PDXP: variants seen among roughly 807,000 people sequenced by gnomAD.
PDXP encodes the protein chronophin.
A neutral mutation model predicts 14.4 loss-of-function variants in PDXP; 15 were observed. The ratio of observed to expected loss-of-function variants is 1.04; its 90% CI spans 0.70 to 1.60. PDXP has a LOEUF of 1.60. PDXP is among the 40% of genes most tolerant of loss of function. The probability of loss-of-function intolerance (pLI) is 0.00; values close to 1 mark genes in which losing one functional copy is unlikely to be tolerated. For synonymous variants in PDXP, 233 were observed against 205.6 expected (o/e 1.13, Z -1.14); for missense variants, 413 against 427.6 (o/e 0.97, Z 0.30).
chr22:37,660,614 G>T (rs900655597), intron 1 of PDXP, among the ~76,000 whole-genome samples: 1 of 152,228 alleles, frequency 6.6e-6, no homozygotes, highest in Non-Finnish European at 1.5e-5. Flanking sequence ...TGGTCAGTGT[G>T]TGTGGACAGG....
Position 37,659,356 on chromosome 22 carries a change from G to A in PDXP, c.574G>A (p.Gly192Ser). 2 of 1,299,084 alleles carry A rather than the reference G, an allele frequency of 1.5e-6. No individual in the cohort carries two copies. The highest frequency in any genetic ancestry group is 9.8e-7 in the Non-Finnish European group (1 of 1,021,812). The allele number at this position is 1,299,084 out of a possible 1,614,324, so 80.5% of individuals were successfully genotyped here. ...HPLSDGSRTPGTGSLAAAVET... is the reference protein window; with the variant it reads ...HPLSDGSRTPSTGSLAAAVET... Reference sequence around the variant, plus strand: ...GCTGAGCGACGGCAGCCGGACCCCTGGTGAGCGCGGGAATGGCGGGGAAAC... The same window carrying A: ...GCTGAGCGACGGCAGCCGGACCCCTAGTGAGCGCGGGAATGGCGGGGAAAC... The change falls in exon 1 of 2, where the codon GGC becomes AGC. Residue 192 changes from glycine to serine, a missense_variant and splice_region_variant. Gly to Ser is a moderately conservative substitution (Grantham distance 56, BLOSUM62 0). Coordinates refer to ENST00000215904, the MANE Select transcript of PDXP (RefSeq NM_020315.5).
chr22:37,661,879 A>G (rs939381385), intron 1 of PDXP, among the ~76,000 whole-genome samples: 1 of 149,000 alleles, frequency 6.7e-6, no homozygotes, highest in Non-Finnish European at 1.5e-5. Flanking sequence ...TCGCTCACCA[A>G]CGGAGCACGT....
chr22:37,663,919 C>CTTTTT lies in PDXP; in HGVS notation c.575-1614_575-1610dup, dbSNP rs11335821. On this transcript the variant is annotated intron_variant, in intron 1 of 1. Transcript: ENST00000215904. ...TGCAGCTGTGCCTGGAATACGTTGACTTTTTTTTTTTTTTTTTTTTTTTTT... is the reference window on the plus strand; with the variant it reads ...TGCAGCTGTGCCTGGAATACGTTGACTTTTTTTTTTTTTTTTTTTTTTTTTTTTTT... 2.0e-4 allele frequency among the ~76,000 whole-genome samples: 20 copies of CTTTTT among 98,288 alleles called. 2 individuals are homozygous for CTTTTT. The highest frequency in any genetic ancestry group is 8.9e-4 in the African/African-American group (20 of 22,482). The allele number at this position is 98,288 out of a possible 152,430, so 64.5% of individuals were successfully genotyped here.
At chr22:37,664,052 T>C (rs1920995309) in intron 1 of PDXP, among the ~76,000 whole-genome samples, 1 of 147,424 alleles carries the variant, frequency 6.8e-6, no homozygotes, top group African/African-American at 2.5e-5. Flanking sequence ...TGCCCCAGCC[T>C]CCCAAATAGC....
chr22:37,664,586 A>C (rs1359247585), intron 1 of PDXP, among the ~76,000 whole-genome samples: 1 of 152,258 alleles, frequency 6.6e-6, no homozygotes, highest in Non-Finnish European at 1.5e-5. Context: ...TCTCATCTGT[A>C]AAATGGGCTT....
chr22:37,659,299 C>T lies in PDXP; in HGVS notation c.517C>T (p.Leu173Phe). The change falls in exon 1 of 2, where the codon CTC becomes TTC. Residue 173 changes from leucine to phenylalanine, a missense_variant. By Grantham distance (22) the Leu-to-Phe change is conservative (BLOSUM62 0). Coordinates refer to ENST00000215904, the MANE Select transcript of PDXP (RefSeq NM_020315.5). ...GCACCTGCGCGACCCCGAGTGCCTA[C>T]TCGTGGCCACCGACCGTGACCCATG... ...CAHLRDPECLLVATDRDPWHP... is the reference protein window; with the variant it reads ...CAHLRDPECLFVATDRDPWHP... The T allele has an allele frequency of 1.5e-6, 2 of 1,308,352 alleles. No homozygotes were observed. The highest frequency in any genetic ancestry group is 1.9e-6 in the Non-Finnish European group (2 of 1,025,852). 81.0% of individuals were successfully genotyped at this position (1,308,352 alleles called of 1,614,324 possible). A position where few individuals can be genotyped will look rare whatever the true frequency, so the allele number is the denominator to read the frequency against.
rs11335821 is a variant in PDXP at position 37,663,919 on chromosome 22, C to CT, written c.575-1610dup. Among the ~76,000 whole-genome samples, 563 of 98,224 alleles carry CT rather than the reference C, an allele frequency of 5.7e-3. 93 individuals carry two copies. In the East Asian group the frequency reaches 0.064, roughly 11 times the overall value. 64.4% of individuals were successfully genotyped at this position (98,224 alleles called of 152,430 possible). ...TGCAGCTGTGCCTGGAATACGTTGA[C>CT]TTTTTTTTTTTTTTTTTTTTTTTTT... On this transcript the variant is annotated intron_variant, in intron 1 of 1. Coordinates refer to ENST00000215904, the MANE Select transcript of PDXP (RefSeq NM_020315.5).
intron 1 of PDXP, 55 bp from the exon 2 acceptor site, chr22:37,665,500 G>A (rs958742365): frequency 6.6e-5 from 93 of 1,408,972 alleles, no homozygotes; most frequent in Non-Finnish European, 8.4e-5. Context: ...CCAGTTTCAG[G>A]GCCTGACGCT....
chr22:37,660,848 A>G (rs1052028337), intron 1 of PDXP, among the ~76,000 whole-genome samples: 4 of 152,116 alleles, frequency 2.6e-5, no homozygotes, highest in Admixed American at 2.6e-4. Context: ...CAGTGATAAT[A>G]CACCAGGAGA....
chr22:37,664,051 C>T (rs1920995255), intron 1 of PDXP, among the ~76,000 whole-genome samples: 1 of 151,214 alleles, frequency 6.6e-6, no homozygotes, highest in Admixed American at 6.6e-5. Context: ...CTGCCCCAGC[C>T]TCCCAAATAG....
intron 1 of PDXP, among the ~76,000 whole-genome samples, chr22:37,665,314 G>A (rs565975321): frequency 3.9e-5 from 6 of 152,194 alleles, no homozygotes; most frequent in East Asian, 3.9e-4. Context: ...TTAGAGATGG[G>A]GAAACCAAGG....
chr22:37,666,030 A>T lies in PDXP; in HGVS notation c.*159A>T. Reference sequence around the variant, plus strand: ...CGGGGAAGGTTTGAGGGCCCTTGCAACCCCCTCCCAGCAGTGGCTGGGCAC... The same window carrying T: ...CGGGGAAGGTTTGAGGGCCCTTGCATCCCCCTCCCAGCAGTGGCTGGGCAC... On this transcript the variant is annotated 3_prime_UTR_variant, in exon 2 of 2. Coordinates refer to ENST00000215904, the MANE Select transcript of PDXP (RefSeq NM_020315.5). The T allele has an allele frequency of 1.4e-6, 1 of 706,764 alleles. No homozygotes were observed. The highest frequency in any genetic ancestry group is 2.7e-5 in the East Asian group (1 of 36,722). 43.8% of individuals were successfully genotyped at this position (706,764 alleles called of 1,614,324 possible). A position where few individuals can be genotyped will look rare whatever the true frequency, so the allele number is the denominator to read the frequency against.
chr22:37,661,290 C>T (rs754014447), intron 1 of PDXP, among the ~76,000 whole-genome samples: 1 of 151,206 alleles, frequency 6.6e-6, no homozygotes, highest in South Asian at 2.1e-4. Flanking sequence ...AAATACAGCA[C>T]TGCGATCATG....
intron 1 of PDXP, among the ~76,000 whole-genome samples, chr22:37,664,715 T>C (rs1180895892): frequency 6.6e-6 from 1 of 152,220 alleles, no homozygotes; most frequent in Non-Finnish European, 1.5e-5. Flanking sequence ...GACACGTCTG[T>C]GGGACAGGCA....
intron 1 of PDXP, among the ~76,000 whole-genome samples, chr22:37,663,579 CAG>C (rs1920985224): frequency 6.6e-6 from 1 of 152,078 alleles, no homozygotes; most frequent in Non-Finnish European, 1.5e-5. Context: ...CTGTCCGGGT[CAG>C]TGGCCAGCAG....
chr22:37,663,079 T>TC (rs1933235590), intron 1 of PDXP, among the ~76,000 whole-genome samples: 1 of 151,590 alleles, frequency 6.6e-6, no homozygotes, highest in Non-Finnish European at 1.5e-5. Flanking sequence ...GGCAGGTGGA[T>TC]CACGAGGTCA....
Position 37,659,187 on chromosome 22 carries a change from G to C in PDXP, c.405G>C (p.Ala135=), listed in dbSNP as rs1191854338. 2 of 1,208,300 alleles carry C rather than the reference G, an allele frequency of 1.7e-6. No homozygotes were observed. The highest frequency in any genetic ancestry group is 2.1e-6 in the Non-Finnish European group (2 of 972,384). The allele number at this position is 1,208,300 out of a possible 1,614,324, so 74.8% of individuals were successfully genotyped here. Reference sequence around the variant, plus strand: ...TGCGCCTGGCCGGGGACCCGAGCGCGGGGGACGGCGCGGCCCCGCGCGTGC... The same window carrying C: ...TGCGCCTGGCCGGGGACCCGAGCGCCGGGGACGGCGCGGCCCCGCGCGTGC... ...AGLRLAGDPS[A]GDGAAPRVRA... is the part of the protein sequence containing the mutation. The change falls in exon 1 of 2, where the codon GCG becomes GCC. Residue 135 remains alanine (A), a synonymous_variant. Transcript: ENST00000215904.
In PDXP at chr22:37,666,880, AC is replaced by A. The variant is rs1326494689; in HGVS notation, c.*1013del. The A allele has an allele frequency of 6.0e-6, 1 of 166,874 alleles. No individual in the cohort carries two copies. Among genetic ancestry groups the A allele is most frequent in the African/African-American group, 2.4e-5 (1 of 41,338 alleles). 10.3% of individuals were successfully genotyped at this position (166,874 alleles called of 1,614,324 possible). The stretch of plus-strand genomic sequence containing the variant: ...GGGCTGGGCCTTCCCCGCCACCTCC[AC>A]CCCTGTTGTGACCTGTCCTTCCGTA... On this transcript the variant is annotated 3_prime_UTR_variant, in exon 2 of 2. Transcript: ENST00000215904.
Position 37,659,369 on chromosome 22 carries a change from A to G in PDXP, c.574+13A>G. On this transcript the variant is annotated intron_variant, in intron 1 of 1. Coordinates refer to ENST00000215904, the MANE Select transcript of PDXP (RefSeq NM_020315.5). ...AGCCGGACCCCTGGTGAGCGCGGGA[A>G]TGGCGGGGAAACTGAGATGGGGGCG... The G allele has an allele frequency of 7.8e-7, 1 of 1,287,652 alleles. No homozygotes were observed. The highest frequency in any genetic ancestry group is 9.9e-7 in the Non-Finnish European group (1 of 1,015,110). 79.8% of individuals were successfully genotyped at this position (1,287,652 alleles called of 1,614,324 possible). A position where few individuals can be genotyped will look rare whatever the true frequency, so the allele number is the denominator to read the frequency against.
Sources: allele counts gnomAD v4.1 joint callset (sites outside exome capture counted in the v4.1 genomes callset), GRCh38; gene constraint gnomAD v4.1.1; transcripts MANE v1.5; gene names NCBI Gene and HGNC (gene_info 2026-07-23, HGNC 2026-07-21).